The following SLCO1B1 variants were observed in gnomAD, a reference collection of about 807,000 sequenced individuals.
SLCO1B1 encodes the protein solute carrier organic anion transporter family member 1B1.
Under a neutral mutation model 70.1 loss-of-function variants are expected in SLCO1B1, and 81 were observed. The observed-to-expected ratio is 1.16, with a 90% CI of 0.97 to 1.39. The LOEUF (loss-of-function observed/expected upper bound fraction) is 1.39. Among genes scored for constraint, SLCO1B1 ranks in the 40% most tolerant of loss-of-function variants. SLCO1B1 has a pLI of 0.00. For synonymous variants in SLCO1B1, 283 were observed against 271.5 expected, an observed-to-expected ratio of 1.04 and a Z score of -0.42; for missense variants, 895 against 799.6, an observed-to-expected ratio of 1.12 and a Z score of -1.44.
At chr12:21,137,401 T>G (rs1341675144) in intron 1 of SLCO1B1, among the ~76,000 whole-genome samples, 1 of 152,168 alleles carries the variant, frequency 6.6e-6, no homozygotes, top group African/African-American at 2.4e-5. Context: ...ACTGCTGTCT[T>G]TTTGTTTGTC....
intron 1 of SLCO1B1, among the ~76,000 whole-genome samples, chr12:21,139,898 T>C (rs1227258509): frequency 1.3e-5 from 2 of 152,092 alleles, no homozygotes; most frequent in East Asian, 1.9e-4. Context: ...GCCCCAAAGA[T>C]AGTGCTGAAG....
At chr12:21,152,534 T>TTTTTTTTTTTTTTTTTG (rs1940487149) in intron 2 of SLCO1B1, among the ~76,000 whole-genome samples, 1 of 113,014 alleles carries the variant, frequency 8.8e-6, no homozygotes, top group Non-Finnish European at 1.9e-5. Context: ...GAGGAGAGGC[T>TTTTTTTTTTTTTTTTTG]TTTTTTTTTT....
At chr12:21,134,692 T>C (rs1286421010) in intron 1 of SLCO1B1, among the ~76,000 whole-genome samples, 3 of 152,200 alleles carry the variant, frequency 2.0e-5, no homozygotes, top group Non-Finnish European at 4.4e-5. Context: ...CTCTTTATCA[T>C]TTTTTATTGC....
chr12:21,189,021 A>G (rs1940995421), intron 7 of SLCO1B1, among the ~76,000 whole-genome samples: 1 of 152,204 alleles, frequency 6.6e-6, no homozygotes, highest in Admixed American at 6.5e-5. Context: ...CCCTCAGCAG[A>G]CATGAGGTTG....
At chr12:21,163,111 C>T (rs892787118) in intron 2 of SLCO1B1, among the ~76,000 whole-genome samples, 1 of 152,122 alleles carries the variant, frequency 6.6e-6, no homozygotes, top group Non-Finnish European at 1.5e-5. Flanking sequence ...AGAGTATATA[C>T]ACAATACCTG....
At chr12:21,214,447 A>T (rs1941331421) in intron 11 of SLCO1B1, among the ~76,000 whole-genome samples, 1 of 147,022 alleles carries the variant, frequency 6.8e-6, no homozygotes. Context: ...GTGCCGGGAG[A>T]ACCACTGCTC....
chr12:21,168,994 AAGGTCTTACATTT>A (rs1164886404), intron 2 of SLCO1B1, among the ~76,000 whole-genome samples: 3 of 152,050 alleles, frequency 2.0e-5, no homozygotes, highest in African/African-American at 7.2e-5. Flanking sequence ...CTGGAAGTTT[AAGGTCTTACATTT>A]AGGTATTTAG....
chr12:21,164,885 A>G (rs1231238809), intron 2 of SLCO1B1: 2 of 468,298 alleles, frequency 4.3e-6, no homozygotes, highest in Admixed American at 4.7e-5. Flanking sequence ...AAAACTCAAT[A>G]CATATTATAC....
At chr12:21,229,638 T>C (rs1469760380) in intron 14 of SLCO1B1, among the ~76,000 whole-genome samples, 1 of 152,200 alleles carries the variant, frequency 6.6e-6, no homozygotes, top group Non-Finnish European at 1.5e-5. Flanking sequence ...GAGGGCATCT[T>C]GATGGCTTCC....
At chr12:21,137,256 C>G (rs897597227) in intron 1 of SLCO1B1, among the ~76,000 whole-genome samples, 1 of 152,124 alleles carries the variant, frequency 6.6e-6, no homozygotes, top group Non-Finnish European at 1.5e-5. Flanking sequence ...GGGGTGCCTC[C>G]CAGTTAGGCT....
intron 11 of SLCO1B1, among the ~76,000 whole-genome samples, chr12:21,206,652 A>G (rs993829140): frequency 6.6e-6 from 1 of 151,904 alleles, no homozygotes; most frequent in African/African-American, 2.4e-5. Flanking sequence ...TCCCATAGAA[A>G]TGTCATTTAT....
At chr12:21,193,483 G>T (rs1397777295) in intron 7 of SLCO1B1, among the ~76,000 whole-genome samples, 1 of 151,932 alleles carries the variant, frequency 6.6e-6, no homozygotes, top group Admixed American at 6.6e-5. Context: ...TATAGCTTTT[G>T]GGTCTTTGAG....
rs776613232 is a variant in SLCO1B1 at position 21,178,925 on chromosome 12, T to C, written c.632T>C (p.Ile211Thr). 3 of 1,603,230 alleles carry C rather than the reference T, an allele frequency of 1.9e-6. No individual in the cohort carries two copies. Among genetic ancestry groups the C allele is most frequent in the Non-Finnish European group, 2.6e-6 (3 of 1,170,762 alleles). Residue 211 changes from isoleucine (I) to threonine (T), a missense_variant, in exon 7 of 15, where the codon ATA (isoleucine) becomes ACA (threonine). Coordinates refer to ENST00000256958, the MANE Select transcript of SLCO1B1 (RefSeq NM_006446.5). ...AATTGCTTTATAATATTTTCAGGTA[T>C]ATTGAATGCAATAGCAATGATTGGT... Reference protein sequence around the residue: ...KEGHSSLYLGILNAIAMIGPI... With the variant: ...KEGHSSLYLGTLNAIAMIGPI...
At chr12:21,212,522 G>GA (rs1468854755) in intron 11 of SLCO1B1, among the ~76,000 whole-genome samples, 9 of 138,248 alleles carry the variant, frequency 6.5e-5, no homozygotes, top group Admixed American at 6.1e-4. Flanking sequence ...GTGTGGTGCT[G>GA]AAAAAAATGT....
intron 7 of SLCO1B1, among the ~76,000 whole-genome samples, chr12:21,196,062 T>G (rs11045847): frequency 0.01 from 1,540 of 152,278 alleles, 34 homozygotes; most frequent in South Asian, 0.039. Flanking sequence ...AGCAAAGAGG[T>G]GTCTCCAATT....
rs566546550 is a variant in SLCO1B1, at chr12:21,211,608, A to G, written c.1498-5511A>G. On this transcript the variant is annotated intron_variant, in intron 11 of 14. Transcript: ENST00000256958. ...GTTAGGGAGGATTCCCTCTTTTTCT[A>G]TTGACTGGAATAGTTTCAGAAGGAA... Among the ~76,000 whole-genome samples the G allele has an allele frequency of 1.2e-4, 18 of 152,116 alleles. No homozygotes were observed. The South Asian group carries it at 1.9e-3, about 16-fold the overall frequency.
At chr12:21,160,363 A>T (rs1262619519) in intron 2 of SLCO1B1, among the ~76,000 whole-genome samples, 1 of 152,104 alleles carries the variant, frequency 6.6e-6, no homozygotes, top group Non-Finnish European at 1.5e-5. Context: ...GCTCACAAAA[A>T]CAAGCAATGG....
rs1395345635 is a variant in SLCO1B1 at position 21,172,639 on chromosome 12, A to G, written c.85-11A>G. ...TAACCATTTTCCCCCTTTCCTTCTGATTTTTCTTAGATGTTCTTGGCAGCT... is the reference window on the plus strand; with the variant it reads ...TAACCATTTTCCCCCTTTCCTTCTGGTTTTTCTTAGATGTTCTTGGCAGCT... On this transcript the variant is annotated splice_polypyrimidine_tract_variant and intron_variant, in intron 2 of 14. Coordinates refer to ENST00000256958, the MANE Select transcript of SLCO1B1 (RefSeq NM_006446.5). 2.5e-6 allele frequency: 4 copies of G among 1,613,210 alleles called. No homozygotes were observed. The highest frequency in any genetic ancestry group is 3.4e-6 in the Non-Finnish European group (4 of 1,179,694).
At chr12:21,219,759 A>ATATT (rs112734522) in intron 12 of SLCO1B1, among the ~76,000 whole-genome samples, 1 of 152,072 alleles carries the variant, frequency 6.6e-6, no homozygotes, top group Non-Finnish European at 1.5e-5. Context: ...TTATTTTATT[A>ATATT]TATTTATTTA....
Sources: allele counts gnomAD v4.1 joint callset (sites outside exome capture counted in the v4.1 genomes callset), GRCh38; gene constraint gnomAD v4.1.1; transcripts MANE v1.5; gene names NCBI Gene and HGNC (gene_info 2026-07-23, HGNC 2026-07-21).